Variants in PEBP4 observed in about 807,000 individuals in gnomAD.
The protein encoded by PEBP4 is phosphatidylethanolamine-binding protein 4.
Under a neutral mutation model 23.9 loss-of-function variants are expected in PEBP4, and 22 were observed. The ratio of observed to expected loss-of-function variants is 0.92; its 90% CI spans 0.66 to 1.31. PEBP4 has a LOEUF of 1.31. PEBP4 is among the 40% of genes most tolerant of loss of function. The probability of loss-of-function intolerance (pLI) is 0.00; values close to 1 mark genes in which losing one functional copy is unlikely to be tolerated. For missense variants in PEBP4, 324 were observed against 281.7 expected (o/e 1.15, Z -1.07); for synonymous variants, 112 against 99.3 (o/e 1.13, Z -0.76).
chr8:22,939,127 G>C (rs1005317123), intron 1 of PEBP4, among the ~76,000 whole-genome samples: 60 of 151,972 alleles, frequency 3.9e-4, no homozygotes, highest in African/African-American at 1.4e-3. Flanking sequence ...TCAGGGAGTG[G>C]GGCTTACTTC....
rs747725399 is a variant in PEBP4 at position 22,817,724 on chromosome 8, A to G, written c.270T>C (p.Tyr90=). Residue 90 remains tyrosine (Y), a synonymous_variant, in exon 4 of 7, where the codon TAT becomes TAC. Coordinates refer to ENST00000256404, the MANE Select transcript of PEBP4 (RefSeq NM_144962.3). Reference sequence around the variant, plus strand: ...CATCTGGATCCACCATCACCAGGATATAGGTTGCGCCCTGTAACACATGTA... The same window carrying G: ...CATCTGGATCCACCATCACCAGGATGTAGGTTGCGCCCTGTAACACATGTA... The part of the protein sequence containing the change: ...KFPGAVDGAT[Y]ILVMVDPDAP... 1 of 1,614,150 alleles carries G rather than the reference A, an allele frequency of 6.2e-7. No homozygotes were observed. The highest frequency in any genetic ancestry group is 1.1e-5 in the South Asian group (1 of 91,086).
intron 4 of PEBP4, among the ~76,000 whole-genome samples, chr8:22,794,093 A>G (rs1057501860): frequency 1.3e-5 from 2 of 151,986 alleles, no homozygotes; most frequent in Non-Finnish European, 2.9e-5. Flanking sequence ...TTCATTTTTC[A>G]TATCTTTATA....
At chr8:22,763,659 C>T (rs1328337214) in intron 4 of PEBP4, among the ~76,000 whole-genome samples, 2 of 152,102 alleles carry the variant, frequency 1.3e-5, no homozygotes, top group African/African-American at 2.4e-5. Flanking sequence ...AAGAGGTGCC[C>T]AGCCTACTAG....
At chr8:22,713,603 C>T (rs1563191017) in intron 6 of PEBP4, 67 bp from the exon 7 acceptor site, 1 of 1,605,940 alleles carries the variant, frequency 6.2e-7, no homozygotes, top group Non-Finnish European at 8.5e-7. Context: ...CTGGCAGGGG[C>T]CTGAGAGGGA....
chr8:22,935,928 A>G (rs1809531594), intron 1 of PEBP4, among the ~76,000 whole-genome samples: 1 of 152,140 alleles, frequency 6.6e-6, no homozygotes, highest in East Asian at 1.9e-4. Flanking sequence ...ATAGCTATAA[A>G]AGCTTACATT....
chr8:22,905,306 A>G (rs1214043893), intron 3 of PEBP4, among the ~76,000 whole-genome samples: 2 of 150,964 alleles, frequency 1.3e-5, no homozygotes, highest in Admixed American at 1.3e-4. Flanking sequence ...TAGGCTATTC[A>G]TCTTTTTCTT....
intron 4 of PEBP4, among the ~76,000 whole-genome samples, chr8:22,766,768 T>C (rs1805622258): frequency 1.3e-5 from 2 of 152,214 alleles, no homozygotes. Context: ...TGGTGTCACT[T>C]TTCTCAGCAT....
At chr8:22,916,019 G>C (rs1402679271) in intron 3 of PEBP4, among the ~76,000 whole-genome samples, 2 of 152,198 alleles carry the variant, frequency 1.3e-5, no homozygotes, top group African/African-American at 4.8e-5. Flanking sequence ...TAGAGGCCTG[G>C]GCTGGCATGA....
At chr8:22,850,880 T>C (rs907565603) in intron 3 of PEBP4, among the ~76,000 whole-genome samples, 8 of 152,182 alleles carry the variant, frequency 5.3e-5, no homozygotes, top group Non-Finnish European at 8.8e-5. Context: ...AGAGTTGGAA[T>C]AGACTTGGGT....
intron 3 of PEBP4, chr8:22,897,930 A>G (rs1468511058): frequency 6.6e-6 from 1 of 152,172 alleles, no homozygotes; most frequent in Non-Finnish European, 1.5e-5. Flanking sequence ...CCCCTATAAG[A>G]AAAGACCCCA....
intron 3 of PEBP4, among the ~76,000 whole-genome samples, chr8:22,870,390 T>A (rs773968999): frequency 1.3e-4 from 20 of 152,086 alleles, no homozygotes; most frequent in Non-Finnish European, 2.5e-4. Flanking sequence ...AAGGCAAAAC[T>A]ATGGAGATAG....
chr8:22,827,726 T>C (rs1472225235), intron 3 of PEBP4, among the ~76,000 whole-genome samples: 1 of 152,268 alleles, frequency 6.6e-6, no homozygotes, highest in Admixed American at 6.5e-5. Flanking sequence ...AACACTTGTT[T>C]TCAATTCTCT....
intron 4 of PEBP4, among the ~76,000 whole-genome samples, chr8:22,765,583 A>T (rs993080792): frequency 6.6e-6 from 1 of 152,236 alleles, no homozygotes; most frequent in Admixed American, 6.5e-5. Context: ...ATGCTGCCAA[A>T]GCTAGCATAA....
intron 3 of PEBP4, among the ~76,000 whole-genome samples, chr8:22,842,054 A>G (rs1320617389): frequency 6.6e-6 from 1 of 152,260 alleles, no homozygotes; most frequent in Non-Finnish European, 1.5e-5. Flanking sequence ...CAAATGTTCA[A>G]ACACAGTCTT....
At chr8:22,716,173 G>A (rs1006255499) in intron 6 of PEBP4, among the ~76,000 whole-genome samples, 2 of 152,202 alleles carry the variant, frequency 1.3e-5, no homozygotes, top group Non-Finnish European at 2.9e-5. Flanking sequence ...CTGCCCTGTG[G>A]CTGGGACACA....
intron 4 of PEBP4, among the ~76,000 whole-genome samples, chr8:22,728,559 T>TCTTTCTTCCTTCCTTC (rs1462225042): frequency 2.6e-3 from 248 of 96,338 alleles, no homozygotes; most frequent in South Asian, 5.6e-3. Context: ...TTTCTTTCTT[T>TCTTTCTTCCTTCCTTC]CTTCCTTCCT....
upstream of PEBP4, among the ~76,000 whole-genome samples, chr8:22,931,851 G>A (rs1235469377): frequency 3.3e-5 from 5 of 151,944 alleles, no homozygotes; most frequent in South Asian, 1.0e-3. Context: ...CTGGTCCCTC[G>A]ACCACTCTCC....
chr8:22,767,921 T>G (rs1435196023), intron 4 of PEBP4, among the ~76,000 whole-genome samples: 1 of 152,074 alleles, frequency 6.6e-6, no homozygotes, highest in African/African-American at 2.4e-5. Context: ...GTATTTTTAA[T>G]AGAGATGGGG....
intron 3 of PEBP4, among the ~76,000 whole-genome samples, chr8:22,919,911 G>T (rs999891791): frequency 5.3e-5 from 8 of 152,152 alleles, no homozygotes; most frequent in African/African-American, 1.9e-4. Context: ...GGGCAGCCAA[G>T]GAGCTCCCAG....
Sources: gnomAD v4.1 joint callset for allele counts (sites outside exome capture counted in the v4.1 genomes callset) on GRCh38, gnomAD v4.1.1 for gene constraint, MANE v1.5 for transcripts, NCBI Gene and HGNC (gene_info 2026-07-23, HGNC 2026-07-21) for gene names.